GPC5: variants seen among roughly 807,000 people sequenced by gnomAD.
GPC5 encodes the protein glypican-5.
A neutral mutation model predicts 53.9 loss-of-function variants in GPC5; 47 were observed. The observed-to-expected ratio is 0.87, with a 90% CI of 0.69 to 1.11. The LOEUF (loss-of-function observed/expected upper bound fraction) is 1.11. GPC5 is among the 50% of genes most tolerant of loss of function. The pLI, the probability that GPC5 is intolerant of heterozygous loss-of-function variation, is 0.00. For synonymous variants in GPC5, 286 were observed against 263.3 expected, an observed-to-expected ratio of 1.09 and a Z score of -0.84; for missense variants, 748 against 713.1, an observed-to-expected ratio of 1.05 and a Z score of -0.56.
chr13:91,558,193 G>T (rs2031063738), intron 2 of GPC5, among the ~76,000 whole-genome samples: 1 of 152,046 alleles, frequency 6.6e-6, no homozygotes. Context: ...ACAATTCTTG[G>T]TGAGTAAGTT....
intron 7 of GPC5, among the ~76,000 whole-genome samples, chr13:92,577,416 A>ATGTGTGTG (rs1455799151): frequency 2.1e-5 from 2 of 95,688 alleles, no homozygotes; most frequent in African/African-American, 7.5e-5. Context: ...GTATGTATGT[A>ATGTGTGTG]TATGTGTGTG....
intron 5 of GPC5, among the ~76,000 whole-genome samples, chr13:91,811,419 T>A (rs1170333643): frequency 2.6e-5 from 4 of 152,062 alleles, no homozygotes; most frequent in Non-Finnish European, 5.9e-5. Flanking sequence ...CATTTGAATT[T>A]TTTTCTCAAT....
chr13:92,133,385 G>T (rs933825905), intron 6 of GPC5, among the ~76,000 whole-genome samples: 37 of 152,252 alleles, frequency 2.4e-4, no homozygotes, highest in African/African-American at 8.4e-4. Context: ...ACCTTTAATA[G>T]ACTGGGAAAC....
rs141447317 is a variant in GPC5 at position 92,145,023 on chromosome 13, A to C, written c.1561+34A>C. Reference sequence around the variant, plus strand: ...ATGATTCTAACACCACTTTTTTAAAACAATGATTTTGAAATATAATTAAAG... The same window carrying C: ...ATGATTCTAACACCACTTTTTTAAACCAATGATTTTGAAATATAATTAAAG... On this transcript the variant is annotated intron_variant, in intron 7 of 7. Transcript: ENST00000377067. 1.3e-3 allele frequency: 1,705 copies of C among 1,330,300 alleles called. 53 individuals carry two copies. The East Asian group carries it at 0.043, about 33-fold the overall frequency. The allele number at this position is 1,330,300 out of a possible 1,614,324, so 82.4% of individuals were successfully genotyped here.
At chr13:92,058,216 A>G (rs2041092215) in intron 6 of GPC5, among the ~76,000 whole-genome samples, 3 of 152,104 alleles carry the variant, frequency 2.0e-5, no homozygotes, top group South Asian at 2.1e-4. Flanking sequence ...TTTTGTAGAG[A>G]TGGTCTCACT....
chr13:92,527,204 A>G (rs947082251), intron 7 of GPC5, among the ~76,000 whole-genome samples: 2 of 30,502 alleles, frequency 6.6e-5, no homozygotes, highest in Non-Finnish European at 1.0e-4. Flanking sequence ...AAAGAAAGAA[A>G]GAAAGAAAGA....
At chr13:92,572,383 G>A (rs558703790) in intron 7 of GPC5, among the ~76,000 whole-genome samples, 2 of 152,138 alleles carry the variant, frequency 1.3e-5, no homozygotes, top group South Asian at 4.1e-4. Context: ...ACCTTTTGTT[G>A]GGACATTTTG....
intron 7 of GPC5, among the ~76,000 whole-genome samples, chr13:92,381,918 A>ATATCATAT (rs796383905): frequency 1.1e-4 from 5 of 45,062 alleles, no homozygotes; most frequent in Non-Finnish European, 2.0e-4. Flanking sequence ...TGATATATAT[A>ATATCATAT]ATCATATATA....
chr13:92,717,114 G>A (rs191492528), intron 7 of GPC5, among the ~76,000 whole-genome samples: 181 of 152,020 alleles, frequency 1.2e-3, no homozygotes, highest in African/African-American at 4.2e-3. Flanking sequence ...TATTCTTCTC[G>A]GTGTGGGTAG....
chr13:92,731,267 T>A (rs953664699), intron 7 of GPC5, among the ~76,000 whole-genome samples: 10 of 151,510 alleles, frequency 6.6e-5, no homozygotes, highest in African/African-American at 1.9e-4. Context: ...TTCAATGTGA[T>A]GTAATTAGAG....
At chr13:92,844,780 G>T (rs1169171208) in intron 7 of GPC5, among the ~76,000 whole-genome samples, 1 of 152,026 alleles carries the variant, frequency 6.6e-6, no homozygotes, top group African/African-American at 2.4e-5. Context: ...ACTGAATATG[G>T]TTCCTGGAAC....
chr13:91,579,506 A>G (rs1318249617), intron 2 of GPC5, among the ~76,000 whole-genome samples: 1 of 152,102 alleles, frequency 6.6e-6, no homozygotes, highest in Admixed American at 6.6e-5. Flanking sequence ...TGTCATCTGA[A>G]CCACATTGAA....
At chr13:92,227,301 G>A (rs561670730) in intron 7 of GPC5, among the ~76,000 whole-genome samples, 5 of 152,136 alleles carry the variant, frequency 3.3e-5, no homozygotes, top group Middle Eastern at 3.4e-3. Flanking sequence ...ATTGAAAAAC[G>A]CAAACAAAAA....
At chr13:92,290,282 A>C (rs1417702880) in intron 7 of GPC5, among the ~76,000 whole-genome samples, 1 of 152,214 alleles carries the variant, frequency 6.6e-6, no homozygotes, top group Non-Finnish European at 1.5e-5. Context: ...TGAGGAATCT[A>C]ATCCTATATC....
chr13:92,034,471 C>A (rs1240058107), intron 6 of GPC5, among the ~76,000 whole-genome samples: 1 of 152,026 alleles, frequency 6.6e-6, no homozygotes, highest in Admixed American at 6.6e-5. Context: ...GCACTCCAGC[C>A]TGGGCAACAA....
chr13:91,679,534 T>A (rs2035459789), intron 2 of GPC5, among the ~76,000 whole-genome samples: 1 of 152,206 alleles, frequency 6.6e-6, no homozygotes, highest in African/African-American at 2.4e-5. Flanking sequence ...AGATCAAAAC[T>A]ATTTCATAAT....
At chr13:92,795,822 A>C (rs1876655907) in intron 7 of GPC5, among the ~76,000 whole-genome samples, 1 of 152,166 alleles carries the variant, frequency 6.6e-6, no homozygotes, top group South Asian at 2.1e-4. Context: ...ATAGCATCTC[A>C]TGCCAGTTAG....
At chr13:92,359,128 G>T (rs906565951) in intron 7 of GPC5, among the ~76,000 whole-genome samples, 8 of 151,658 alleles carry the variant, frequency 5.3e-5, no homozygotes, top group African/African-American at 2.0e-4. Flanking sequence ...CTGTTAGAAG[G>T]AGCCAGACCA....
At chr13:91,626,718 G>A (rs9589316) in intron 2 of GPC5, among the ~76,000 whole-genome samples, 4,507 of 151,770 alleles carry the variant, frequency 0.03, 203 homozygotes, top group African/African-American at 0.094. Flanking sequence ...TGTGCACTAC[G>A]TGCAGGTTTG....
Sources: gnomAD v4.1 joint callset for allele counts (sites outside exome capture counted in the v4.1 genomes callset) on GRCh38, gnomAD v4.1.1 for gene constraint, MANE v1.5 for transcripts, NCBI Gene and HGNC (gene_info 2026-07-23, HGNC 2026-07-21) for gene names.